Variants in SP6 observed in about 807,000 individuals in gnomAD.
SP6 encodes transcription factor Sp6.
A neutral mutation model predicts 23.4 loss-of-function variants in SP6; 10 were observed. The ratio of observed to expected loss-of-function variants is 0.43; its 90% CI spans 0.26 to 0.72. SP6 has a LOEUF of 0.72. Ranked by LOEUF, SP6 falls within the 30% of genes least tolerant of loss-of-function variation. The pLI, the probability that SP6 is intolerant of heterozygous loss-of-function variation, is 0.23. For missense variants in SP6, 482 were observed against 523.8 expected (o/e 0.92, Z 0.78); for synonymous variants, 238 against 238.7 (o/e 1.00, Z 0.03).
chr17:47,855,500 G>C (rs953234971), upstream of SP6, among the ~76,000 whole-genome samples: 2 of 152,090 alleles, frequency 1.3e-5, no homozygotes, highest in Non-Finnish European at 2.9e-5. Flanking sequence ...GATCCCTTTA[G>C]TTCTCCATGC....
At chr17:47,861,413 T>A in the SP6 span, among the ~76,000 whole-genome samples, 1 of 152,212 alleles carries the variant, frequency 6.6e-6, no homozygotes, top group African/African-American at 2.4e-5. Flanking sequence ...GGAAGCTTCA[T>A]CTTTCAAGTG....
chr17:47,847,325 C>T lies in SP6; in HGVS notation c.1105G>A (p.Glu369Lys). ...CAGTTGGAGGGAGCCACGCTGCCCT[C>T]GGCCTCGCGTTTGCCTTTGCCCCCG... is the stretch of plus-strand genomic sequence containing the variant. ...PPGGKGKREA[E>K]GSVAPSN The change falls in exon 2 of 2, where the codon GAG becomes AAG. Residue 369 changes from glutamate to lysine, a missense_variant. Glu to Lys is a moderately conservative substitution (Grantham distance 56). This residue lies in a region of SP6 where 101 missense variants were observed against 99.3 expected (regional missense o/e 1.02). Transcript: ENST00000536300. 6.4e-7 allele frequency: 1 copy of T among 1,573,952 alleles called. No individual in the cohort carries two copies. The highest frequency in any genetic ancestry group is 8.6e-7 in the Non-Finnish European group (1 of 1,159,748).
upstream of SP6, among the ~76,000 whole-genome samples, chr17:47,852,117 C>T (rs2033963240): frequency 6.6e-6 from 1 of 152,190 alleles, no homozygotes; most frequent in African/African-American, 2.4e-5. Flanking sequence ...TTGAGCTATC[C>T]CTTGCCACCA....
the SP6 span, among the ~76,000 whole-genome samples, chr17:47,875,178 G>A: frequency 6.6e-6 from 1 of 152,116 alleles, no homozygotes; most frequent in Non-Finnish European, 1.5e-5. Context: ...GGGCCTCAGG[G>A]CAAGTATTTG....
rs531700152 is a variant in SP6 at position 47,846,595 on chromosome 17, T to C, written c.*704A>G. On this transcript the variant is annotated 3_prime_UTR_variant, in exon 2 of 2. Coordinates refer to ENST00000536300, the MANE Select transcript of SP6 (RefSeq NM_001258248.2). ...CCCCTCCATCTATCTCGGTCCTTTATCGCCAGCCCTGGCTGGGAGGCTGTC... is the reference window on the plus strand; with the variant it reads ...CCCCTCCATCTATCTCGGTCCTTTACCGCCAGCCCTGGCTGGGAGGCTGTC... The C allele has an allele frequency of 6.6e-6, 1 of 152,260 alleles. No homozygotes were observed. Among genetic ancestry groups the C allele is most frequent in the South Asian group, 2.1e-4 (1 of 4,828 alleles). 9.4% of individuals were successfully genotyped at this position (152,260 alleles called of 1,614,324 possible).
upstream of SP6, among the ~76,000 whole-genome samples, chr17:47,858,074 G>A (rs1374460256): frequency 6.6e-6 from 1 of 151,964 alleles, no homozygotes; most frequent in Non-Finnish European, 1.5e-5. Flanking sequence ...TATTTCCTCT[G>A]CCCTCGCCTC....
the SP6 span, among the ~76,000 whole-genome samples, chr17:47,863,643 A>G: frequency 7.0e-6 from 1 of 142,990 alleles, no homozygotes; most frequent in Admixed American, 7.6e-5. Context: ...ATCTCCGCTC[A>G]CTGCAACCTC....
At position 47,848,091 on chromosome 17, in the gene SP6, T is replaced by C. The variant is rs148666799; in HGVS notation, c.339A>G (p.Pro113=). Residue 113 remains proline (P), a synonymous_variant, in exon 2 of 2, where the codon CCA becomes CCG. Coordinates refer to ENST00000536300, the MANE Select transcript of SP6 (RefSeq NM_001258248.2). This position sits in a 1 kb window ranked among gnomAD's most constrained non-coding sequence, Gnocchi z 5.3. ...CCCACCACGAGCCATCCTCCGCGCC[T>C]GGGTGAGTCGGCCTGAACCACGATT... ...HYESWFRPTH[P]GAEDGSWWDL... is the part of the protein sequence containing the mutation. 5 of 1,613,442 alleles carry C rather than the reference T, an allele frequency of 3.1e-6. No individual in the cohort carries two copies. In the African/African-American group the frequency reaches 4.0e-5, roughly 13 times the overall value.
chr17:47,848,569 A>T lies in SP6; in HGVS notation c.-57-83T>A. 1.3e-6 allele frequency: 1 copy of T among 760,266 alleles called. No individual in the cohort carries two copies. The highest frequency in any genetic ancestry group is 2.0e-5 in the South Asian group (1 of 49,296). The allele number at this position is 760,266 out of a possible 1,614,324, so 47.1% of individuals were successfully genotyped here. A position where few individuals can be genotyped will look rare whatever the true frequency, so the allele number is the denominator to read the frequency against. The stretch of plus-strand genomic sequence containing the variant: ...AACCCAGGTCCTCCTCTCTGGCCCC[A>T]GGTGTAAAAGAAGGATGCACCTCTG... On this transcript the variant is annotated intron_variant, in intron 1 of 1. Transcript: ENST00000536300. The surrounding 1 kb of genome is among the most constrained non-coding windows in gnomAD (Gnocchi z 5.3).
chr17:47,862,847 C>T, the SP6 span, among the ~76,000 whole-genome samples: 7 of 152,238 alleles, frequency 4.6e-5, no homozygotes, highest in East Asian at 1.9e-4. Context: ...TGCCTGTGGG[C>T]GCAGCCTAGA....
Position 47,847,162 on chromosome 17 carries a change from T to C in SP6, c.*137A>G. On this transcript the variant is annotated 3_prime_UTR_variant, in exon 2 of 2. Coordinates refer to ENST00000536300, the MANE Select transcript of SP6 (RefSeq NM_001258248.2). ...GAACCCCTAGCGCCCCATCTCCCTG[T>C]CCCTGCACCACTTTTCCTCCTCCCT... The C allele has an allele frequency of 1.1e-6, 1 of 925,734 alleles. No homozygotes were observed. Among genetic ancestry groups the C allele is most frequent in the Non-Finnish European group, 1.6e-6 (1 of 634,824 alleles). 57.3% of individuals were successfully genotyped at this position (925,734 alleles called of 1,614,324 possible).
chr17:47,858,765 A>C (rs1041451668), upstream of SP6, among the ~76,000 whole-genome samples: 3 of 109,042 alleles, frequency 2.8e-5, no homozygotes, highest in Non-Finnish European at 6.0e-5. Flanking sequence ...CAGATGAAGC[A>C]TCTTTTTTTT....
chr17:47,856,096 G>C (rs1425384486), upstream of SP6, among the ~76,000 whole-genome samples: 1 of 152,168 alleles, frequency 6.6e-6, no homozygotes, highest in Admixed American at 6.5e-5. Context: ...AAGAGAGAAA[G>C]AAGTTCCATT....
In SP6 at chr17:47,847,650, G is replaced by T. The variant is rs779078098; in HGVS notation, c.780C>A (p.Gly260=). ...ACGTCTTGGCGTAGGCTTTCCCGCA[G>T]CCCGGGATGTGGCAGTTGTGCAAAT... The part of the protein sequence containing the change: ...KKHLHNCHIP[G]CGKAYAKTSH... Residue 260 remains glycine, a synonymous_variant, in exon 2 of 2, where the codon GGC becomes GGA. Transcript: ENST00000536300. 6.2e-7 allele frequency: 1 copy of T among 1,612,986 alleles called. No individual in the cohort carries two copies. Among genetic ancestry groups the T allele is most frequent in the African/African-American group, 1.3e-5 (1 of 75,066 alleles).
Position 47,848,410 on chromosome 17 carries a change from C to A in SP6, c.20G>T (p.Gly7Val). 1 of 1,525,816 alleles carries A rather than the reference C, an allele frequency of 6.6e-7. No homozygotes were observed. The highest frequency in any genetic ancestry group is 8.8e-7 in the Non-Finnish European group (1 of 1,134,590). The allele number at this position is 1,525,816 out of a possible 1,614,324, so 94.5% of individuals were successfully genotyped here. A position where few individuals can be genotyped will look rare whatever the true frequency, so the allele number is the denominator to read the frequency against. ...TTCCGTGTGCTGGCTGCCCAGAGAG[C>A]CGCAGACAGCGGTTAGCATTGCCGG... MLTAVCGSLGSQHTEAP... is the reference protein window; with the variant it reads MLTAVCVSLGSQHTEAP... The change falls in exon 2 of 2, where the codon GGC becomes GTC. Residue 7 changes from glycine to valine, a missense_variant. Physicochemically the swap from Gly to Val is moderately radical, Grantham distance 109 (BLOSUM62 -3). Around this residue, in one of 3 missense-constraint regions of SP6, gnomAD observed 330 missense variants for 332.3 expected, o/e 0.99. Transcript: ENST00000536300. This position sits in a 1 kb window ranked among gnomAD's most constrained non-coding sequence, Gnocchi z 5.3.
rs2033925079 is a variant in SP6 at position 47,848,821 on chromosome 17, C to G, written c.-57-335G>C. Reference sequence around the variant, plus strand: ...CCCACCCCAGCTGCCCAGGCCAACACAAGGGGCAGTGGCATTTTCCCCCTG... The same window carrying G: ...CCCACCCCAGCTGCCCAGGCCAACAGAAGGGGCAGTGGCATTTTCCCCCTG... On this transcript the variant is annotated intron_variant, in intron 1 of 1. Coordinates refer to ENST00000536300, the MANE Select transcript of SP6 (RefSeq NM_001258248.2). This position sits in a 1 kb window ranked among gnomAD's most constrained non-coding sequence, Gnocchi z 5.3. 6.6e-6 allele frequency among the ~76,000 whole-genome samples: 1 copy of G among 152,118 alleles called. No homozygotes were observed. The highest frequency in any genetic ancestry group is 2.4e-5 in the African/African-American group (1 of 41,404).
the SP6 span, among the ~76,000 whole-genome samples, chr17:47,867,177 A>G: frequency 6.6e-6 from 1 of 152,162 alleles, no homozygotes. Flanking sequence ...CCAGTCCCCA[A>G]ACAGGGCCTG....
At chr17:47,873,400 C>A in the SP6 span, among the ~76,000 whole-genome samples, 1 of 152,192 alleles carries the variant, frequency 6.6e-6, no homozygotes, top group African/African-American at 2.4e-5. Context: ...CTTTCCCCTG[C>A]CCTAACAGCC....
chr17:47,851,818 C>G (rs1186535053), upstream of SP6, among the ~76,000 whole-genome samples: 2 of 151,222 alleles, frequency 1.3e-5, no homozygotes, highest in Non-Finnish European at 2.9e-5. Flanking sequence ...GTATCCCTCT[C>G]TGACCTTTCT....
Sources: gnomAD v4.1 joint callset for allele counts (sites outside exome capture counted in the v4.1 genomes callset) on GRCh38, gnomAD v4.1.1 for gene constraint, gnomAD v4.1.1 regional missense constraint, Gnocchi (gnomAD v3.1) non-coding constraint, MANE v1.5 for transcripts, NCBI Gene and HGNC (gene_info 2026-07-23, HGNC 2026-07-21) for gene names.